The following ZNF385D variants were observed in gnomAD, a reference collection of about 807,000 sequenced individuals.
ZNF385D encodes the protein zinc finger protein 385D.
A neutral mutation model predicts 35.8 loss-of-function variants in ZNF385D; 15 were observed. That is an observed-to-expected ratio of 0.42 (90% CI 0.28 to 0.64). ZNF385D has a LOEUF of 0.64. Ranked by LOEUF, ZNF385D falls within the 30% of genes least tolerant of loss-of-function variation. ZNF385D has a pLI of 0.23. For missense variants in ZNF385D, 474 were observed against 494.6 expected (o/e 0.96, Z 0.39); for synonymous variants, 212 against 186.8 (o/e 1.13, Z -1.10).
At chr3:22,237,127 T>C (rs1699229237) in intron 2 of ZNF385D, among the ~76,000 whole-genome samples, 1 of 152,180 alleles carries the variant, frequency 6.6e-6, no homozygotes, top group Non-Finnish European at 1.5e-5. Context: ...CTGCCCTGTT[T>C]TTCACTTCCA....
At chr3:22,358,331 A>G in intron 2 of ZNF385D, among the ~76,000 whole-genome samples, 1 of 151,872 alleles carries the variant, frequency 6.6e-6, no homozygotes, top group Non-Finnish European at 1.5e-5. Flanking sequence ...CCAGTCCTAA[A>G]TTCCATCAAT....
intron 3 of ZNF385D, among the ~76,000 whole-genome samples, chr3:21,982,085 T>C (rs946141165): frequency 6.6e-6 from 1 of 151,384 alleles, no homozygotes; most frequent in Non-Finnish European, 1.5e-5. Flanking sequence ...AATAGTTTTT[T>C]TTTTTTTTTT....
chr3:22,273,337 T>C (rs901751292), intron 2 of ZNF385D, among the ~76,000 whole-genome samples: 1 of 151,958 alleles, frequency 6.6e-6, no homozygotes, highest in Non-Finnish European at 1.5e-5. Flanking sequence ...ACATTAGTCC[T>C]TTTTTTGGAA....
At position 21,416,772 on chromosome 3, in the gene ZNF385D, A is replaced by G. The variant is rs1421019437; in HGVS notation, c.*4442T>C. 6.6e-6 allele frequency: 1 copy of G among 152,178 alleles called. No homozygotes were observed. Among genetic ancestry groups the G allele is most frequent in the Non-Finnish European group, 1.5e-5 (1 of 68,022 alleles). The allele number at this position is 152,178 out of a possible 1,614,324, so 9.4% of individuals were successfully genotyped here. On this transcript the variant is annotated 3_prime_UTR_variant, in exon 8 of 8. Transcript: ENST00000281523. ...AGATGGTCTTAATAAGGCAACCATT[A>G]GTTAAAATACATGCAAACGCAGGAC...
At chr3:22,094,210 T>C (rs1018812933) in intron 3 of ZNF385D, among the ~76,000 whole-genome samples, 4 of 148,146 alleles carry the variant, frequency 2.7e-5, no homozygotes, top group Admixed American at 2.1e-4. Flanking sequence ...TTGTTCATAT[T>C]GCATTGTCAA....
chr3:22,226,565 TTTTG>T (rs1698568710), intron 2 of ZNF385D, among the ~76,000 whole-genome samples: 2 of 152,242 alleles, frequency 1.3e-5, no homozygotes, highest in African/African-American at 4.8e-5. Flanking sequence ...TAATAATCAT[TTTTG>T]TTTAAGAACC....
At chr3:21,490,375 A>C (rs981403593) in intron 4 of ZNF385D, among the ~76,000 whole-genome samples, 2 of 152,078 alleles carry the variant, frequency 1.3e-5, no homozygotes, top group African/African-American at 4.8e-5. Context: ...AAAAATTTTC[A>C]AATAAAAAAT....
chr3:21,802,001 A>C (rs902259557), intron 3 of ZNF385D, among the ~76,000 whole-genome samples: 1 of 152,178 alleles, frequency 6.6e-6, no homozygotes, highest in Non-Finnish European at 1.5e-5. Flanking sequence ...ACCATTTCAC[A>C]AAATGGACAG....
At chr3:21,839,643 T>A (rs1695541049) in intron 3 of ZNF385D, among the ~76,000 whole-genome samples, 1 of 152,054 alleles carries the variant, frequency 6.6e-6, no homozygotes, top group Admixed American at 6.6e-5. Context: ...CACAATGATC[T>A]TTATGGGTCA....
intron 1 of ZNF385D, among the ~76,000 whole-genome samples, chr3:21,710,126 A>G (rs975554209): frequency 2.6e-5 from 4 of 152,144 alleles, no homozygotes; most frequent in Non-Finnish European, 5.9e-5. Context: ...AAGCGCTTTC[A>G]GGAGTTGGGT....
At chr3:21,693,900 A>C (rs1322680491) in intron 1 of ZNF385D, among the ~76,000 whole-genome samples, 1 of 122,408 alleles carries the variant, frequency 8.2e-6, no homozygotes, top group African/African-American at 3.2e-5. Context: ...TTTTTTTTTG[A>C]GACGGAGTCT....
chr3:22,362,845 C>G (rs1696477317), intron 2 of ZNF385D, among the ~76,000 whole-genome samples: 1 of 152,060 alleles, frequency 6.6e-6, no homozygotes, highest in Non-Finnish European at 1.5e-5. Context: ...ACCCCTATGT[C>G]TACCAGGCAG....
intron 2 of ZNF385D, among the ~76,000 whole-genome samples, chr3:22,319,736 C>T (rs1404580325): frequency 6.6e-6 from 1 of 152,140 alleles, no homozygotes. Context: ...TTCTCTACTT[C>T]AGAAAAACAC....
chr3:22,234,509 T>C (rs1699069778), intron 2 of ZNF385D, among the ~76,000 whole-genome samples: 1 of 152,016 alleles, frequency 6.6e-6, no homozygotes, highest in African/African-American at 2.4e-5. Context: ...CCTGAACTTG[T>C]TTCATTCTTC....
At chr3:21,913,921 A>G (rs1339921843) in intron 3 of ZNF385D, among the ~76,000 whole-genome samples, 1 of 152,112 alleles carries the variant, frequency 6.6e-6, no homozygotes, top group Non-Finnish European at 1.5e-5. Flanking sequence ...TCACAGCCAC[A>G]TTAATGCAAG....
intron 3 of ZNF385D, among the ~76,000 whole-genome samples, chr3:22,111,037 A>G (rs1217626070): frequency 2.0e-5 from 3 of 152,168 alleles, no homozygotes; most frequent in African/African-American, 7.2e-5. Context: ...TCATTGTTAA[A>G]GGCAAATTAA....
chr3:21,785,862 A>T (rs139373137), intron 3 of ZNF385D, among the ~76,000 whole-genome samples: 11 of 152,314 alleles, frequency 7.2e-5, no homozygotes, highest in African/African-American at 2.4e-4. Context: ...GAATGTGGCA[A>T]TTGCTTTTCC....
chr3:21,973,177 A>C (rs990185950), intron 3 of ZNF385D, among the ~76,000 whole-genome samples: 1 of 151,982 alleles, frequency 6.6e-6, no homozygotes, highest in Non-Finnish European at 1.5e-5. Context: ...ACAAAATACC[A>C]AACGACCAAA....
At chr3:21,710,349 G>A (rs955114760) in intron 1 of ZNF385D, among the ~76,000 whole-genome samples, 1 of 152,170 alleles carries the variant, frequency 6.6e-6, no homozygotes, top group Non-Finnish European at 1.5e-5. Context: ...AAGACCCAAT[G>A]ATCTGGTGAG....
Sources: gnomAD v4.1 joint callset for allele counts (sites outside exome capture counted in the v4.1 genomes callset) on GRCh38, gnomAD v4.1.1 for gene constraint, MANE v1.5 for transcripts, NCBI Gene and HGNC (gene_info 2026-07-23, HGNC 2026-07-21) for gene names.